AFDN: variants seen among roughly 807,000 people sequenced by gnomAD.
AFDN encodes the protein afadin, adherens junction formation factor, also known as afadin.
A neutral mutation model predicts 216.6 loss-of-function variants in AFDN; 68 were observed. The observed-to-expected ratio is 0.31, with a 90% CI of 0.26 to 0.38. The LOEUF (loss-of-function observed/expected upper bound fraction) is 0.38, where lower values mean the gene tolerates loss of function less well. AFDN is among the 10% of genes least tolerant of loss of function. AFDN has a pLI of 1.00. For missense variants in AFDN, 2,136 were observed against 2,342.0 expected, an observed-to-expected ratio of 0.91 and a Z score of 1.82; for synonymous variants, 868 against 853.7, an observed-to-expected ratio of 1.02 and a Z score of -0.29.
At chr6:167,904,529 G>T (rs1003132659) in intron 12 of AFDN, among the ~76,000 whole-genome samples, 1 of 151,972 alleles carries the variant, frequency 6.6e-6, no homozygotes, top group Non-Finnish European at 1.5e-5. Context: ...ATCTCTAAAG[G>T]TTTACTTGAC....
At chr6:167,935,621 ATAAT>A (rs1434148004) in intron 23 of AFDN, among the ~76,000 whole-genome samples, 1 of 152,240 alleles carries the variant, frequency 6.6e-6, no homozygotes, top group Admixed American at 6.5e-5. Flanking sequence ...GTAATCCTGA[ATAAT>A]TAGTTTTGCA....
intron 26 of AFDN, 145 bp downstream of exon 26, chr6:167,944,204 G>C: frequency 1.7e-6 from 1 of 588,566 alleles, no homozygotes; most frequent in Admixed American, 3.0e-5. Context: ...TCAGCATAGT[G>C]CCTGGGATTC....
intron 1 of AFDN, among the ~76,000 whole-genome samples, chr6:167,844,158 C>T (rs544691800): frequency 3.5e-4 from 52 of 149,580 alleles, no homozygotes; most frequent in Non-Finnish European, 5.5e-4. Context: ...CAGTTTTGCT[C>T]TTGTAGACTC....
At chr6:167,948,847 A>G (rs568723028) in intron 29 of AFDN, among the ~76,000 whole-genome samples, 1 of 152,328 alleles carries the variant, frequency 6.6e-6, no homozygotes, top group East Asian at 1.9e-4. Context: ...GACACAACAG[A>G]CACAGCATGG....
At position 167,889,203 on chromosome 6, in the gene AFDN, T is replaced by A; in HGVS notation, c.898-12T>A. On this transcript the variant is annotated splice_polypyrimidine_tract_variant and intron_variant, in intron 6 of 33. Transcript: ENST00000683244. ...TTGGCACATTCATAGTTAATTATTT[T>A]TGTTTTTTTAGGTTATGCTTCCTCC... 2 of 1,589,076 alleles carry A rather than the reference T, an allele frequency of 1.3e-6. No homozygotes were observed. Among genetic ancestry groups the A allele is most frequent in the East Asian group, 2.2e-5 (1 of 44,710 alleles).
intron 23 of AFDN, among the ~76,000 whole-genome samples, chr6:167,942,309 C>A (rs763684725): frequency 6.6e-6 from 1 of 152,184 alleles, no homozygotes; most frequent in Non-Finnish European, 1.5e-5. Flanking sequence ...TTTACTCTTA[C>A]CGTACAGTGC....
rs575356823 is a variant in AFDN at position 167,860,134 on chromosome 6, T to C, written c.106-4417T>C. 2.6e-5 allele frequency among the ~76,000 whole-genome samples: 4 copies of C among 151,108 alleles called. No homozygotes were observed. The South Asian group carries it at 8.4e-4, about 32-fold the overall frequency. On this transcript the variant is annotated intron_variant, in intron 1 of 33. Coordinates refer to ENST00000683244, the MANE Select transcript of AFDN (RefSeq NM_001386888.1). ...GCTGCTTCCAAGTAAGCTCTTCATT[T>C]AGGTATTAAGTACCTACAGCAATGC...
chr6:167,923,220 C>T (rs1190939463), intron 22 of AFDN: 5 of 289,006 alleles, frequency 1.7e-5, no homozygotes, highest in Admixed American at 1.0e-4. Context: ...TTGTACCAGT[C>T]TTAATACATA....
intron 21 of AFDN, among the ~76,000 whole-genome samples, chr6:167,921,568 G>A (rs1018151571): frequency 1.3e-5 from 2 of 151,934 alleles, no homozygotes. Flanking sequence ...AAGACTGTAC[G>A]ACCAGCCTGG....
chr6:167,952,304 C>T lies in AFDN; in HGVS notation c.4833+117C>T, dbSNP rs561023886. ...GATAAGGATTAAAAGGGCCCCTAGG[C>T]TTATACTGTTTTATTGTATGTGTTA... On this transcript the variant is annotated intron_variant, in intron 30 of 33. Transcript: ENST00000683244. 194 of 1,555,382 alleles carry T rather than the reference C, an allele frequency of 1.2e-4. 1 individual carries two copies. The East Asian group carries it at 3.4e-3, about 27-fold the overall frequency.
Position 167,853,792 on chromosome 6 carries a change from A to G in AFDN, c.106-10759A>G, listed in dbSNP as rs1362799079. Among the ~76,000 whole-genome samples the G allele has an allele frequency of 2.6e-5, 4 of 152,070 alleles. No homozygotes were observed. In the East Asian group the frequency reaches 5.8e-4, roughly 22 times the overall value. ...AACTGTGTATCTTATGCATCATGCCATATCACAGTATAAAGAGTTTTGCCC... is the reference window on the plus strand; with the variant it reads ...AACTGTGTATCTTATGCATCATGCCGTATCACAGTATAAAGAGTTTTGCCC... On this transcript the variant is annotated intron_variant, in intron 1 of 33. Coordinates refer to ENST00000683244, the MANE Select transcript of AFDN (RefSeq NM_001386888.1).
intron 30 of AFDN, among the ~76,000 whole-genome samples, chr6:167,961,547 G>T (rs1402093985): frequency 6.6e-6 from 1 of 152,172 alleles, no homozygotes; most frequent in Non-Finnish European, 1.5e-5. Flanking sequence ...AGGGACTTAG[G>T]TATTTGAAGG....
rs553024949 is a variant in AFDN, at chr6:167,863,651, G to A, written c.106-900G>A. 41 of 386,348 alleles carry A rather than the reference G, an allele frequency of 1.1e-4. No homozygotes were observed. The East Asian group carries it at 1.5e-3, about 14-fold the overall frequency. The allele number at this position is 386,348 out of a possible 1,614,324, so 23.9% of individuals were successfully genotyped here. A position where few individuals can be genotyped will look rare whatever the true frequency, so the allele number is the denominator to read the frequency against. On this transcript the variant is annotated intron_variant, in intron 1 of 33. Transcript: ENST00000683244. ...ACCTAGGAGTTAGAAATATTCTCTG[G>A]AATTTTTGTTGGGAGTTGTGCTTTT...
At chr6:167,911,203 G>C in intron 14 of AFDN, 41 bp downstream of exon 14, 1 of 1,604,434 alleles carries the variant, frequency 6.2e-7, no homozygotes, top group Non-Finnish European at 8.5e-7. Context: ...ATTATTTCTT[G>C]ATCCATTTTA....
chr6:167,916,863 C>T (rs73032786), intron 19 of AFDN, among the ~76,000 whole-genome samples: 3,892 of 152,032 alleles, frequency 0.026, 74 homozygotes, highest in Non-Finnish European at 0.033. Flanking sequence ...TATACATGCA[C>T]GTCATAAAAT....
chr6:167,839,584 A>G (rs1351774284), intron 1 of AFDN, among the ~76,000 whole-genome samples: 1 of 152,158 alleles, frequency 6.6e-6, no homozygotes, highest in Non-Finnish European at 1.5e-5. Context: ...TGCCTTAAGA[A>G]GAGGGAGCGG....
intron 1 of AFDN, among the ~76,000 whole-genome samples, chr6:167,842,859 GGTT>G (rs1425012728): frequency 6.6e-6 from 1 of 152,130 alleles, no homozygotes; most frequent in Admixed American, 6.5e-5. Context: ...CTGCCTTGGT[GGTT>G]GTCTTTAGCA....
In AFDN at chr6:167,861,477, C is replaced by CT. The variant is rs771344780; in HGVS notation, c.106-3066dup. Among the ~76,000 whole-genome samples the CT allele has an allele frequency of 5.9e-5, 9 of 152,094 alleles. No homozygotes were observed. In the South Asian group the frequency reaches 1.7e-3, roughly 28 times the overall value. On this transcript the variant is annotated intron_variant, in intron 1 of 33. Transcript: ENST00000683244. ...AGTATCTCCTTACTCCCTTGGGTTT[C>CT]TTTTTTTTCTCTCTTTGATCTCTTA...
chr6:167,876,225 G>C (rs1162965243), intron 5 of AFDN, among the ~76,000 whole-genome samples: 1 of 152,106 alleles, frequency 6.6e-6, no homozygotes, highest in African/African-American at 2.4e-5. Flanking sequence ...TGCTTATTTT[G>C]ACCCTTAGCA....
Sources: gnomAD v4.1 joint callset for allele counts (sites outside exome capture counted in the v4.1 genomes callset) on GRCh38, gnomAD v4.1.1 for gene constraint, MANE v1.5 for transcripts, NCBI Gene and HGNC (gene_info 2026-07-23, HGNC 2026-07-21) for gene names.